Variants in CORO2B observed in about 807,000 individuals in gnomAD.
CORO2B encodes coronin-2B.
A neutral mutation model predicts 58.8 loss-of-function variants in CORO2B; 26 were observed. The observed-to-expected ratio is 0.44, with a 90% CI of 0.32 to 0.61. CORO2B has a LOEUF of 0.61. CORO2B is among the 20% of genes least tolerant of loss of function. CORO2B has a pLI of 0.04. For missense variants in CORO2B, 460 were observed against 645.1 expected, an observed-to-expected ratio of 0.71 and a Z score of 3.11; for synonymous variants, 242 against 253.8, an observed-to-expected ratio of 0.95 and a Z score of 0.44.
chr15:68,651,677 A>G (rs1339479522), intron 2 of CORO2B, among the ~76,000 whole-genome samples: 1 of 152,100 alleles, frequency 6.6e-6, no homozygotes, highest in Non-Finnish European at 1.5e-5. Flanking sequence ...GTTCTTCTCT[A>G]AGTTTTTTCC....
Position 68,655,881 on chromosome 15 carries a change from C to G in CORO2B, c.216+10521C>G, listed in dbSNP as rs143618934. ...ACCCTCATGTGTCAGTGACTCTCAG[C>G]ACTTCAAGGAACAAAAATGATTTAG... On this transcript the variant is annotated intron_variant, in intron 2 of 11. Transcript: ENST00000261861. Among the ~76,000 whole-genome samples, 163 of 152,260 alleles carry G rather than the reference C, an allele frequency of 1.1e-3. 1 individual carries two copies. The highest frequency in any genetic ancestry group is 1.9e-3 in the Non-Finnish European group (127 of 68,010).
chr15:68,705,823 C>A (rs1892771144), intron 3 of CORO2B, among the ~76,000 whole-genome samples: 1 of 152,168 alleles, frequency 6.6e-6, no homozygotes, highest in Non-Finnish European at 1.5e-5. Flanking sequence ...ACCCAGTTTA[C>A]TTGAACCCAC....
intron 5 of CORO2B, among the ~76,000 whole-genome samples, chr15:68,712,049 A>G (rs1197126668): frequency 1.3e-5 from 2 of 152,140 alleles, no homozygotes; most frequent in Non-Finnish European, 2.9e-5. Flanking sequence ...AGGAGGAGAC[A>G]CTGGACTCAC....
intron 1 of CORO2B, among the ~76,000 whole-genome samples, chr15:68,636,519 A>C (rs1013358241): frequency 6.6e-6 from 1 of 152,192 alleles, no homozygotes; most frequent in Admixed American, 6.5e-5. Flanking sequence ...CCACTCCCTG[A>C]TAGCATGAGG....
chr15:68,714,542 C>T lies in CORO2B; in HGVS notation c.766-17C>T, dbSNP rs1415742799. The T allele has an allele frequency of 6.2e-7, 1 of 1,601,828 alleles. No individual in the cohort carries two copies. The highest frequency in any genetic ancestry group is 1.7e-5 in the Admixed American group (1 of 59,984). ...ATCCTGCCTGCAGAGAGGCTGAGAC[C>T]AGCTCTTCTCCCTCAGGAGGACCTC... On this transcript the variant is annotated splice_polypyrimidine_tract_variant and intron_variant, in intron 6 of 11. Transcript: ENST00000261861.
Position 68,579,091 on chromosome 15 carries a change from C to A in CORO2B, c.-172C>A. On this transcript the variant is annotated 5_prime_UTR_variant, in exon 1 of 12. Transcript: ENST00000261861. ...CGAGCGGCGGGCGAGCGCCGACGAG[C>A]GGTCCCTGCGCGCTGCCCGCCCGGA... 1 of 983,152 alleles carries A rather than the reference C, an allele frequency of 1.0e-6. No homozygotes were observed. The highest frequency in any genetic ancestry group is 4.7e-5 in the South Asian group (1 of 21,398). 60.9% of individuals were successfully genotyped at this position (983,152 alleles called of 1,614,324 possible).
intron 1 of CORO2B, among the ~76,000 whole-genome samples, chr15:68,637,964 T>G (rs1344022683): frequency 1.3e-5 from 2 of 152,206 alleles, no homozygotes; most frequent in African/African-American, 2.4e-5. Context: ...GGATACAATT[T>G]GCTTCCATGT....
At chr15:68,573,450 G>T in the CORO2B span, among the ~76,000 whole-genome samples, 2 of 152,122 alleles carry the variant, frequency 1.3e-5, no homozygotes, top group South Asian at 4.2e-4. Context: ...CAAGGGGATG[G>T]CAGCAGAGAG....
chr15:68,602,035 G>A (rs1899997927), intron 1 of CORO2B, among the ~76,000 whole-genome samples: 1 of 146,120 alleles, frequency 6.8e-6, no homozygotes, highest in Non-Finnish European at 1.5e-5. Context: ...TTAAATAAAT[G>A]CCTTAATCCC....
At chr15:68,561,250 G>A in the CORO2B span, among the ~76,000 whole-genome samples, 1 of 152,278 alleles carries the variant, frequency 6.6e-6, no homozygotes, top group East Asian at 1.9e-4. Flanking sequence ...AAGAGCTCCT[G>A]CATATGCCAC....
chr15:68,696,409 C>A (rs11857162), intron 3 of CORO2B, among the ~76,000 whole-genome samples: 91,929 of 150,824 alleles, frequency 0.61, 30,631 homozygotes, highest in East Asian at 0.86. Flanking sequence ...ATTAGCCAGG[C>A]GTGGTGGCGC....
chr15:68,723,171 G>C (rs1397589260), intron 11 of CORO2B, among the ~76,000 whole-genome samples: 1 of 149,608 alleles, frequency 6.7e-6, no homozygotes, highest in African/African-American at 2.5e-5. Flanking sequence ...ACCCAGGCTG[G>C]GGTACAATGG....
In CORO2B at chr15:68,714,510, G is replaced by T. The variant is rs1444233731; in HGVS notation, c.766-49G>T. On this transcript the variant is annotated intron_variant, in intron 6 of 11. Coordinates refer to ENST00000261861, the MANE Select transcript of CORO2B (RefSeq NM_006091.5). ...AGGCCTTCCTGGGATTTGGGGAGGG[G>T]TATGCCATCCTGCCTGCAGAGAGGC... 5.6e-6 allele frequency: 8 copies of T among 1,437,098 alleles called. No homozygotes were observed. In the South Asian group the frequency reaches 5.7e-5, roughly 10 times the overall value. The allele number at this position is 1,437,098 out of a possible 1,614,324, so 89.0% of individuals were successfully genotyped here. A position where few individuals can be genotyped will look rare whatever the true frequency, so the allele number is the denominator to read the frequency against.
At chr15:68,644,832 G>A (rs950893633) in intron 1 of CORO2B, among the ~76,000 whole-genome samples, 6 of 152,136 alleles carry the variant, frequency 3.9e-5, no homozygotes, top group African/African-American at 9.7e-5. Context: ...TTCTTGCTTC[G>A]CTCTATCACA....
At chr15:68,613,718 G>C (rs1485140319) in intron 1 of CORO2B, among the ~76,000 whole-genome samples, 1 of 152,176 alleles carries the variant, frequency 6.6e-6, no homozygotes, top group African/African-American at 2.4e-5. Context: ...GAGTTTTTCA[G>C]GGCCTTGAAA....
upstream of CORO2B, among the ~76,000 whole-genome samples, chr15:68,576,061 G>A (rs901736174): frequency 3.5e-5 from 5 of 143,252 alleles, 1 homozygote; most frequent in Admixed American, 2.3e-4. Flanking sequence ...GTGGAGGTGG[G>A]AGAATCGCTT....
chr15:68,608,672 G>C (rs1424633745), intron 1 of CORO2B, among the ~76,000 whole-genome samples: 1 of 152,132 alleles, frequency 6.6e-6, no homozygotes, highest in Non-Finnish European at 1.5e-5. Context: ...CCTAGGGAGG[G>C]AACTCCCCAT....
chr15:68,710,000 T>G (rs1342849973), intron 3 of CORO2B, among the ~76,000 whole-genome samples: 1 of 152,204 alleles, frequency 6.6e-6, no homozygotes, highest in African/African-American at 2.4e-5. Context: ...ATTCCAAGAC[T>G]GCAGAGAAAC....
At chr15:68,611,201 C>T (rs1028846951) in intron 1 of CORO2B, among the ~76,000 whole-genome samples, 1 of 152,194 alleles carries the variant, frequency 6.6e-6, no homozygotes, top group East Asian at 1.9e-4. Context: ...CCATGATTCT[C>T]TTGTTCCATT....
Sources: allele counts gnomAD v4.1 joint callset (sites outside exome capture counted in the v4.1 genomes callset), GRCh38; gene constraint gnomAD v4.1.1; transcripts MANE v1.5; gene names NCBI Gene and HGNC (gene_info 2026-07-23, HGNC 2026-07-21).